GTF2A1L: variants seen among roughly 807,000 people sequenced by gnomAD.
GTF2A1L encodes the protein general transcription factor IIA subunit 1 like, also known as TFIIA-alpha and beta-like factor.
In GTF2A1L, 48 loss-of-function variants were observed where a neutral mutation model predicts 49.7. The observed-to-expected ratio is 0.97, with a 90% CI of 0.77 to 1.23. GTF2A1L has a LOEUF of 1.23. GTF2A1L is among the 50% of genes most tolerant of loss of function. The probability of loss-of-function intolerance (pLI) is 0.00; values close to 1 mark genes in which losing one functional copy is unlikely to be tolerated. For missense variants in GTF2A1L, 736 were observed against 564.8 expected, an observed-to-expected ratio of 1.30 and a Z score of -3.07; for synonymous variants, 246 against 193.5, an observed-to-expected ratio of 1.27 and a Z score of -2.25.
chr2:48,669,078 G>C (rs1374770732), intron 6 of GTF2A1L, among the ~76,000 whole-genome samples: 3 of 152,000 alleles, frequency 2.0e-5, no homozygotes, highest in African/African-American at 7.3e-5. Flanking sequence ...CATTTCAGTG[G>C]TACTAAGTAC....
rs754498231 is a variant in GTF2A1L at position 48,646,676 on chromosome 2, A to G, written c.612A>G (p.Pro204=). ...LQQPAILPSG[P]VDRKHLENAT... The stretch of plus-strand genomic sequence containing the variant: ...AACCCGCAATTCTACCTTCTGGGCC[A>G]GTAGATAGGAAACACTTAGAAAATG... Residue 204 remains proline (P), a synonymous_variant, in exon 6 of 9, where the codon CCA becomes CCG. Coordinates refer to ENST00000403751, the MANE Select transcript of GTF2A1L (RefSeq NM_006872.5). The G allele has an allele frequency of 1.2e-5, 20 of 1,614,052 alleles. No individual in the cohort carries two copies. The highest frequency in any genetic ancestry group is 3.3e-5 in the Admixed American group (2 of 60,004).
At chr2:48,654,499 C>CA (rs763679444) in intron 6 of GTF2A1L, among the ~76,000 whole-genome samples, 12 of 152,048 alleles carry the variant, frequency 7.9e-5, no homozygotes, top group East Asian at 5.8e-4. Flanking sequence ...TCTCCTGTCT[C>CA]AGTCTCCCGC....
chr2:48,619,772 A>G (rs1286568945), intron 1 of GTF2A1L, among the ~76,000 whole-genome samples: 2 of 152,172 alleles, frequency 1.3e-5, no homozygotes, highest in East Asian at 3.8e-4. Context: ...TGAAGGGCTG[A>G]GTTTTTTCAC....
intron 6 of GTF2A1L, among the ~76,000 whole-genome samples, chr2:48,652,503 C>G (rs1051174061): frequency 1.5e-4 from 22 of 151,198 alleles, no homozygotes; most frequent in Admixed American, 1.4e-3. Context: ...GTAATCCCAG[C>G]TACTCGGGAT....
intron 3 of GTF2A1L, among the ~76,000 whole-genome samples, chr2:48,631,019 G>C (rs1272183990): frequency 6.6e-6 from 1 of 152,122 alleles, no homozygotes; most frequent in African/African-American, 2.4e-5. Context: ...GGTTCAGTTT[G>C]CTAGTATTTT....
intron 3 of GTF2A1L, among the ~76,000 whole-genome samples, chr2:48,637,151 G>A (rs555841461): frequency 9.2e-5 from 14 of 152,296 alleles, no homozygotes; most frequent in African/African-American, 3.4e-4. Flanking sequence ...TTATGCTAAT[G>A]CGTATTCACA....
intron 6 of GTF2A1L, among the ~76,000 whole-genome samples, chr2:48,659,570 A>G (rs1486487006): frequency 9.9e-5 from 15 of 151,962 alleles, no homozygotes; most frequent in Non-Finnish European, 5.9e-5. Flanking sequence ...GATAATATTC[A>G]CATCTTAACC....
intron 7 of GTF2A1L, 95 bp from the exon 8 acceptor site, chr2:48,671,496 G>C (rs759666026): frequency 1.5e-6 from 2 of 1,308,450 alleles, no homozygotes; most frequent in Admixed American, 2.2e-5. Flanking sequence ...GAGCCACCAC[G>C]CCGAGACAAG....
chr2:48,658,126 A>G (rs1413333807), intron 6 of GTF2A1L, among the ~76,000 whole-genome samples: 1 of 152,032 alleles, frequency 6.6e-6, no homozygotes, highest in Non-Finnish European at 1.5e-5. Context: ...CTTGTCAATT[A>G]TTGTTTTTGT....
chr2:48,663,630 T>C (rs1426624267), intron 6 of GTF2A1L, among the ~76,000 whole-genome samples: 1 of 152,224 alleles, frequency 6.6e-6, no homozygotes, highest in Non-Finnish European at 1.5e-5. Flanking sequence ...ATAATAAACA[T>C]TTAAAAATTT....
intron 6 of GTF2A1L, among the ~76,000 whole-genome samples, chr2:48,648,671 G>C (rs750701000): frequency 6.6e-6 from 1 of 152,040 alleles, no homozygotes; most frequent in African/African-American, 2.4e-5. Flanking sequence ...AATTATCAGA[G>C]ATAATATATA....
chr2:48,638,959 CAAAAAG>C (rs926686634), intron 3 of GTF2A1L, among the ~76,000 whole-genome samples: 58 of 151,712 alleles, frequency 3.8e-4, no homozygotes, highest in African/African-American at 1.3e-3. Flanking sequence ...ACCAGGATAA[CAAAAAG>C]AATAAGACAC....
chr2:48,635,007 A>G (rs569442116), intron 3 of GTF2A1L, among the ~76,000 whole-genome samples: 2 of 152,076 alleles, frequency 1.3e-5, no homozygotes, highest in African/African-American at 2.4e-5. Flanking sequence ...GAACTGGGAA[A>G]CCTCCTTGGC....
intron 6 of GTF2A1L, among the ~76,000 whole-genome samples, chr2:48,660,107 T>G (rs1157832218): frequency 1.3e-5 from 2 of 152,064 alleles, no homozygotes; most frequent in Non-Finnish European, 2.9e-5. Flanking sequence ...TTTTTTTATC[T>G]TGAACTATCC....
intron 4 of GTF2A1L, 88 bp from the exon 5 acceptor site, chr2:48,644,945 A>G (rs1677413548): frequency 1.7e-6 from 2 of 1,162,624 alleles, no homozygotes; most frequent in African/African-American, 3.2e-5. Context: ...GTCCAGAATC[A>G]GATTTTTTGA....
intron 6 of GTF2A1L, among the ~76,000 whole-genome samples, chr2:48,649,615 T>C (rs1487866015): frequency 6.6e-6 from 1 of 152,206 alleles, no homozygotes; most frequent in Non-Finnish European, 1.5e-5. Context: ...AAAATTAATG[T>C]AAAGTGCTCA....
chr2:48,666,611 GTT>G (rs1491439466), intron 6 of GTF2A1L, among the ~76,000 whole-genome samples: 40 of 151,024 alleles, frequency 2.6e-4, no homozygotes, highest in African/African-American at 9.0e-4. Flanking sequence ...GTGTGTGTGT[GTT>G]TGTGTGTGTG....
chr2:48,625,568 G>A (rs1676247482), intron 3 of GTF2A1L, among the ~76,000 whole-genome samples: 1 of 142,912 alleles, frequency 7.0e-6, no homozygotes, highest in Non-Finnish European at 1.6e-5. Context: ...TTAATTTGAT[G>A]TCTGTATTTA....
intron 4 of GTF2A1L, among the ~76,000 whole-genome samples, chr2:48,643,292 G>A (rs1261098222): frequency 6.6e-6 from 1 of 152,130 alleles, no homozygotes; most frequent in Non-Finnish European, 1.5e-5. Flanking sequence ...TAGTTTTTCG[G>A]GTAGAGAAGA....
Sources: gnomAD v4.1 joint callset for allele counts (sites outside exome capture counted in the v4.1 genomes callset) on GRCh38, gnomAD v4.1.1 for gene constraint, MANE v1.5 for transcripts, NCBI Gene and HGNC (gene_info 2026-07-23, HGNC 2026-07-21) for gene names.